Variants in NLRP4 observed in about 807,000 individuals in gnomAD.
The protein encoded by NLRP4 is NLR family pyrin domain containing 4.
A neutral mutation model predicts 84.7 loss-of-function variants in NLRP4; 44 were observed. The observed-to-expected ratio is 0.52, with a 90% CI of 0.41 to 0.67. The LOEUF (loss-of-function observed/expected upper bound fraction) is 0.67. NLRP4 is among the 30% of genes least tolerant of loss of function. The pLI, the probability that NLRP4 is intolerant of heterozygous loss-of-function variation, is 0.00. For missense variants in NLRP4, 1,260 were observed against 1,219.4 expected (o/e 1.03, Z -0.50); for synonymous variants, 544 against 476.4 (o/e 1.14, Z -1.85).
chr19:55,840,342 G>GTA, intron 1 of NLRP4, among the ~76,000 whole-genome samples: 1 of 79,670 alleles, frequency 1.3e-5, no homozygotes, highest in South Asian at 3.5e-4. Flanking sequence ...ATGTGTATGT[G>GTA]TATGTGTGTG....
At chr19:55,840,372 GTGTGTA>G (rs1274681770) in intron 1 of NLRP4, among the ~76,000 whole-genome samples, 3 of 141,622 alleles carry the variant, frequency 2.1e-5, no homozygotes, top group African/African-American at 8.2e-5. Context: ...GTGTGTGTGT[GTGTGTA>G]TACATATTTT....
intron 1 of NLRP4, among the ~76,000 whole-genome samples, chr19:55,848,165 A>G (rs1983870979): frequency 6.6e-6 from 1 of 152,016 alleles, no homozygotes; most frequent in Non-Finnish European, 1.5e-5. Flanking sequence ...CTGGTCAGGT[A>G]TTTGTGGGAC....
At chr19:55,867,634 T>C in intron 5 of NLRP4, 75 bp from the exon 6 acceptor site, 3 of 1,390,122 alleles carry the variant, frequency 2.2e-6, no homozygotes, top group Non-Finnish European at 3.0e-6. Context: ...GCTTCCCGAC[T>C]CTGACAGGAT....
At chr19:55,851,814 G>C (rs1984172860) in intron 1 of NLRP4, among the ~76,000 whole-genome samples, 1 of 152,148 alleles carries the variant, frequency 6.6e-6, no homozygotes, top group Non-Finnish European at 1.5e-5. Context: ...TAGGATTCTT[G>C]TATCTTCTGG....
In NLRP4 at chr19:55,849,931, GT is replaced by G. The variant is rs1568658092; in HGVS notation, c.-65-2084del. On this transcript the variant is annotated intron_variant, in intron 1 of 9. Coordinates refer to ENST00000301295, the MANE Select transcript of NLRP4 (RefSeq NM_134444.5). ...TTTCCGTAGCCGCGGTGTAATTTCC[GT>G]AGCCGCGGTGTAATTTCCGAGACTG... Among the ~76,000 whole-genome samples the G allele has an allele frequency of 2.6e-3, 368 of 142,862 alleles. 9 individuals carry two copies. Among genetic ancestry groups the G allele is most frequent in the Admixed American group, 4.4e-3 (58 of 13,182 alleles). 93.7% of individuals were successfully genotyped at this position (142,862 alleles called of 152,430 possible).
chr19:55,848,712 C>A (rs1983898326), intron 1 of NLRP4, among the ~76,000 whole-genome samples: 1 of 152,164 alleles, frequency 6.6e-6, no homozygotes, highest in African/African-American at 2.4e-5. Flanking sequence ...GTACTATATT[C>A]TTTAAAAAGA....
chr19:55,870,275 G>A (rs544577546), intron 6 of NLRP4, among the ~76,000 whole-genome samples: 96 of 152,288 alleles, frequency 6.3e-4, no homozygotes, highest in African/African-American at 2.3e-3. Flanking sequence ...CAAAATTAAA[G>A]CCCTGTTAGA....
At chr19:55,870,343 C>T (rs1159799434) in intron 6 of NLRP4, among the ~76,000 whole-genome samples, 1 of 152,192 alleles carries the variant, frequency 6.6e-6, no homozygotes, top group African/African-American at 2.4e-5. Context: ...CTCTTATTTT[C>T]TAATTCTTCT....
rs750759159 is a variant in NLRP4, at chr19:55,861,525, A to G, written c.1996A>G (p.Ser666Gly). Residue 666 changes from serine to glycine, a missense_variant, in exon 4 of 10, where the codon AGC becomes GGC. Ser to Gly is a moderately conservative substitution (Grantham distance 56). Around this residue, in one of 3 missense-constraint regions of NLRP4, gnomAD observed 544 missense variants for 531.7 expected, o/e 1.02. Transcript: ENST00000301295. ...CTGGTGTAACCAGCTGAGGCATCCC[A>G]GCTGTCGCCTTCAGAAGCTTGGGTG... ...VTWCNQLRHP[S>G]CRLQKLGINN... The G allele has an allele frequency of 6.2e-7, 1 of 1,614,122 alleles. No individual in the cohort carries two copies. Among genetic ancestry groups the G allele is most frequent in the Non-Finnish European group, 8.5e-7 (1 of 1,179,984 alleles).
chr19:55,879,026 G>A (rs1266402353), intron 9 of NLRP4, 62 bp downstream of exon 9: 1 of 1,294,466 alleles, frequency 7.7e-7, no homozygotes, highest in African/African-American at 1.5e-5. Flanking sequence ...GGATTGGCTG[G>A]GACCTGCAGT....
intron 3 of NLRP4, 139 bp from the exon 4 acceptor site, chr19:55,861,247 A>T (rs4801634): frequency 1.8e-5 from 12 of 665,498 alleles, no homozygotes; most frequent in African/African-American, 3.6e-5. Context: ...ACTTACCTGA[A>T]GGGTCCCGTT....
intron 1 of NLRP4, among the ~76,000 whole-genome samples, chr19:55,849,849 CG>C (rs1983954538): frequency 2.0e-5 from 3 of 146,678 alleles, no homozygotes; most frequent in Admixed American, 7.5e-5. Flanking sequence ...GTGTAATTTC[CG>C]AGACTGCGGT....
At chr19:55,859,318 G>C in intron 3 of NLRP4, 69 bp downstream of exon 3, 1 of 1,323,350 alleles carries the variant, frequency 7.6e-7, no homozygotes, top group East Asian at 2.3e-5. Flanking sequence ...GTTTTGCTGA[G>C]GGAGTGTTTA....
Position 55,850,128 on chromosome 19 carries a change from T to A in NLRP4, c.-65-1888T>A, listed in dbSNP as rs190499912. ...TAATTACCGTAGCTGCGGTGTAATT[T>A]CCGTGGCTGCGGTGTAATTTCCGAG... On this transcript the variant is annotated intron_variant, in intron 1 of 9. Transcript: ENST00000301295. 8.3e-3 allele frequency among the ~76,000 whole-genome samples: 1,137 copies of A among 137,004 alleles called. 212 individuals carry two copies. Among genetic ancestry groups the A allele is most frequent in the African/African-American group, 0.032 (1,033 of 32,000 alleles). 89.9% of individuals were successfully genotyped at this position (137,004 alleles called of 152,430 possible).
At position 55,852,055 on chromosome 19, in the gene NLRP4, GGATTGGTATCTCT is replaced by G; in HGVS notation, c.-24_-12del. On this transcript the variant is annotated 5_prime_UTR_variant, in exon 2 of 10. Coordinates refer to ENST00000301295, the MANE Select transcript of NLRP4 (RefSeq NM_134444.5). ...TTGTTCCTGGTCACTGTCTCTTTGA[GGATTGGTATCTCT>G]GCTCCAGAAAAGATGGCAGCCTCTT... 6.4e-7 allele frequency: 1 copy of G among 1,563,806 alleles called. No individual in the cohort carries two copies. The highest frequency in any genetic ancestry group is 8.6e-7 in the Non-Finnish European group (1 of 1,156,284).
At position 55,857,707 on chromosome 19, in the gene NLRP4, A is replaced by C. The variant is rs746817490; in HGVS notation, c.314A>C (p.Gln105Pro). 3 of 1,613,790 alleles carry C rather than the reference A, an allele frequency of 1.9e-6. No individual in the cohort carries two copies. The highest frequency in any genetic ancestry group is 2.5e-6 in the Non-Finnish European group (3 of 1,179,850). The change falls in exon 3 of 10, where the codon CAG becomes CCG. Residue 105 changes from glutamine to proline, a missense_variant. By Grantham distance (76) the Gln-to-Pro change is moderately conservative (BLOSUM62 -1). Around this residue, in one of 3 missense-constraint regions of NLRP4, gnomAD observed 712 missense variants for 669.2 expected, o/e 1.06. Coordinates refer to ENST00000301295, the MANE Select transcript of NLRP4 (RefSeq NM_134444.5). ...YTKTYQAHAKQKFSRLWSSKS... is the reference protein window; with the variant it reads ...YTKTYQAHAKPKFSRLWSSKS... ...AAGACCTATCAAGCTCACGCAAAGC[A>C]GAAATTCAGCCGCTTATGGTCCAGC... is the stretch of plus-strand genomic sequence containing the variant.
rs998082335 is a variant in NLRP4 at position 55,857,410 on chromosome 19, C to T, written c.281-264C>T. 5 of 481,942 alleles carry T rather than the reference C, an allele frequency of 1.0e-5. No homozygotes were observed. The South Asian group carries it at 2.5e-4, about 24-fold the overall frequency. 29.9% of individuals were successfully genotyped at this position (481,942 alleles called of 1,614,324 possible). ...TTTTGTGTAGAGGACCATATGGTTT[C>T]CATTTTAGGCTTTGTGAGTCATACG... On this transcript the variant is annotated intron_variant, in intron 2 of 9. Transcript: ENST00000301295.
chr19:55,878,885 T>C lies in NLRP4; in HGVS notation c.2788T>C (p.Leu930=). Residue 930 remains leucine, a synonymous_variant, in exon 9 of 10, where the codon TTG becomes CTG. Transcript: ENST00000301295. ...GACCCTGCAGCAGCTCAACCTGACC[T>C]TGAACACCTTGGACCACACAGGGGT... ...SKTLQQLNLT[L]NTLDHTGVVV... is the part of the protein sequence containing the mutation. 1 of 1,613,978 alleles carries C rather than the reference T, an allele frequency of 6.2e-7. No individual in the cohort carries two copies. Among genetic ancestry groups the C allele is most frequent in the Non-Finnish European group, 8.5e-7 (1 of 1,179,878 alleles).
chr19:55,853,526 G>A (rs574340977), intron 2 of NLRP4, among the ~76,000 whole-genome samples: 2 of 152,148 alleles, frequency 1.3e-5, no homozygotes, highest in Non-Finnish European at 2.9e-5. Flanking sequence ...AAGTAGCTGG[G>A]ACTACAGGTG....
Sources: allele counts gnomAD v4.1 joint callset (sites outside exome capture counted in the v4.1 genomes callset), GRCh38; gene constraint gnomAD v4.1.1; regional missense constraint gnomAD v4.1.1; transcripts MANE v1.5; gene names NCBI Gene and HGNC (gene_info 2026-07-23, HGNC 2026-07-21).